SPINK13: variants seen among roughly 807,000 people sequenced by gnomAD.
SPINK13 encodes serine peptidase inhibitor Kazal type 13.
SPINK13 carries 11 observed loss-of-function variants against 11.0 expected under a neutral mutation model. The ratio of observed to expected loss-of-function variants is 1.00; its 90% confidence interval spans 0.63 to 1.65. The LOEUF is 1.65. Among genes scored for constraint, SPINK13 ranks in the 40% most tolerant of loss-of-function variants. The pLI is 0.00. For missense variants in SPINK13, 113 were observed against 117.7 expected, an observed-to-expected ratio of 0.96 and a Z score of 0.19; for synonymous variants, 31 against 35.6, an observed-to-expected ratio of 0.87 and a Z score of 0.46.
At position 148,278,146 on chromosome 5, in the gene SPINK13, T is replaced by C. The variant is rs1481286893; in HGVS notation, c.108+3762T>C. ...CCCCTTTATCATTTTTTATTGTGTC[T>C]ATTTGATTCTTCCCTCTTTTCTTCT... On this transcript the variant is annotated intron_variant, in intron 3 of 4. Transcript: ENST00000398450. 2.0e-5 allele frequency among the ~76,000 whole-genome samples: 3 copies of C among 152,200 alleles called. No homozygotes were observed. In the East Asian group the frequency reaches 5.8e-4, roughly 29 times the overall value.
intron 3 of SPINK13, among the ~76,000 whole-genome samples, chr5:148,275,791 G>A (rs1007111718): frequency 2.0e-5 from 3 of 151,984 alleles, no homozygotes; most frequent in Admixed American, 1.3e-4. Flanking sequence ...CTCCCGAGTA[G>A]CTGGGACTAC....
intron 4 of SPINK13, among the ~76,000 whole-genome samples, chr5:148,282,468 A>G (rs1208988271): frequency 6.6e-6 from 1 of 152,216 alleles, no homozygotes; most frequent in Non-Finnish European, 1.5e-5. Flanking sequence ...ATGTTCTGGG[A>G]GAACTGTACA....
intron 4 of SPINK13, among the ~76,000 whole-genome samples, chr5:148,283,190 T>A (rs543349570): frequency 2.6e-5 from 4 of 152,226 alleles, no homozygotes; most frequent in African/African-American, 9.6e-5. Context: ...AGACTTGGTG[T>A]TCAGACTCTT....
intron 3 of SPINK13, among the ~76,000 whole-genome samples, chr5:148,277,724 G>C (rs1402187569): frequency 1.3e-5 from 2 of 152,096 alleles, no homozygotes; most frequent in Non-Finnish European, 2.9e-5. Flanking sequence ...CAGGGATCTT[G>C]GTGTGAAATT....
At chr5:148,281,982 C>A in intron 3 of SPINK13, 122 bp from the exon 4 acceptor site, 2 of 1,377,972 alleles carry the variant, frequency 1.5e-6, no homozygotes, top group South Asian at 2.8e-5. Context: ...ACAGTGAATC[C>A]TTGATAAGAT....
intron 2 of SPINK13, among the ~76,000 whole-genome samples, chr5:148,272,071 G>T (rs1482104874): frequency 3.9e-5 from 6 of 152,174 alleles, no homozygotes; most frequent in Non-Finnish European, 5.9e-5. Flanking sequence ...TCACATCAAT[G>T]AATAATATCC....
chr5:148,275,854 G>C (rs1756419678), intron 3 of SPINK13, among the ~76,000 whole-genome samples: 1 of 151,808 alleles, frequency 6.6e-6, no homozygotes, highest in Admixed American at 6.6e-5. Flanking sequence ...GTAGAGACGG[G>C]GTTTCACCAT....
At chr5:148,274,983 T>G (rs781617614) in intron 3 of SPINK13, among the ~76,000 whole-genome samples, 1 of 152,114 alleles carries the variant, frequency 6.6e-6, no homozygotes, top group African/African-American at 2.4e-5. Context: ...CCGTGGTAAA[T>G]CCAGGGTTTA....
chr5:148,283,804 T>G (rs758542508), intron 4 of SPINK13, among the ~76,000 whole-genome samples: 1 of 152,220 alleles, frequency 6.6e-6, no homozygotes, highest in African/African-American at 2.4e-5. Flanking sequence ...TCTGTTATAC[T>G]CTGTGGTGTT....
intron 3 of SPINK13, among the ~76,000 whole-genome samples, chr5:148,274,997 TCA>T (rs1372009348): frequency 6.6e-6 from 1 of 152,202 alleles, no homozygotes; most frequent in Non-Finnish European, 1.5e-5. Context: ...GGGTTTATTC[TCA>T]GTTTTAATAA....
intron 2 of SPINK13, among the ~76,000 whole-genome samples, chr5:148,273,439 T>C (rs944267531): frequency 2.0e-5 from 3 of 152,154 alleles, no homozygotes; most frequent in Admixed American, 1.3e-4. Flanking sequence ...TTCTTATGTA[T>C]GATGTGCAGT....
At chr5:148,273,458 G>A (rs1160994734) in intron 2 of SPINK13, among the ~76,000 whole-genome samples, 1 of 151,986 alleles carries the variant, frequency 6.6e-6, no homozygotes, top group South Asian at 2.1e-4. Context: ...GTATATACAT[G>A]TAATTTTGTT....
chr5:148,282,935 G>C (rs952876915), intron 4 of SPINK13, among the ~76,000 whole-genome samples: 4 of 152,058 alleles, frequency 2.6e-5, no homozygotes, highest in African/African-American at 9.7e-5. Flanking sequence ...CTATCTTCAG[G>C]CTTGAGGATT....
chr5:148,270,146 AGT>A lies in SPINK13; in HGVS notation c.70+5_70+6del, dbSNP rs1756329621. On this transcript the variant is annotated splice_donor_5th_base_variant and intron_variant, in intron 2 of 4. Transcript: ENST00000398450. ...TTGACACATGTGGCTTTCTCAGGTG[AGT>A]AACCTAAGAGGTTTTGGGAGATAAA... 6.2e-7 allele frequency: 1 copy of A among 1,613,712 alleles called. No homozygotes were observed. Among genetic ancestry groups the A allele is most frequent in the Non-Finnish European group, 8.5e-7 (1 of 1,179,764 alleles).
chr5:148,272,593 G>C (rs983441171), intron 2 of SPINK13, among the ~76,000 whole-genome samples: 2 of 152,014 alleles, frequency 1.3e-5, no homozygotes, highest in Admixed American at 1.3e-4. Context: ...CCTTTTCACT[G>C]ATCTATTTGT....
intron 4 of SPINK13, among the ~76,000 whole-genome samples, chr5:148,283,095 C>G (rs1304898937): frequency 6.6e-6 from 1 of 152,072 alleles, no homozygotes; most frequent in Non-Finnish European, 1.5e-5. Context: ...TGTCTTCTCC[C>G]AGTGGACTCA....
At chr5:148,282,865 T>C (rs1278637433) in intron 4 of SPINK13, among the ~76,000 whole-genome samples, 1 of 152,222 alleles carries the variant, frequency 6.6e-6, no homozygotes, top group African/African-American at 2.4e-5. Context: ...ATCAGCCCTG[T>C]GTCTTGTCAG....
At chr5:148,276,487 A>G in intron 3 of SPINK13, among the ~76,000 whole-genome samples, 1 of 152,156 alleles carries the variant, frequency 6.6e-6, no homozygotes, top group East Asian at 1.9e-4. Context: ...AATTGTAAGG[A>G]AGGGGTCCAG....
In SPINK13 at chr5:148,282,110, T is replaced by A. The variant is rs764559801; in HGVS notation, c.115T>A (p.Cys39Ser). 4.3e-5 allele frequency: 70 copies of A among 1,614,102 alleles called. No homozygotes were observed. The highest frequency in any genetic ancestry group is 5.8e-5 in the Non-Finnish European group (68 of 1,179,982). Residue 39 changes from cysteine to serine, a missense_variant, in exon 4 of 5, where the codon TGT (cysteine) becomes AGT (serine). Cys to Ser is a moderately radical substitution (Grantham distance 112). Transcript: ENST00000398450. The part of the protein sequence containing the change: ...RDFTRWPKPR[C>S]KMYIPLDPDY... ...TGGTGTCATGTATTTGCAGCCCCGATGTAAAATGTATATCCCACTGGACCC... is the reference window on the plus strand; with the variant it reads ...TGGTGTCATGTATTTGCAGCCCCGAAGTAAAATGTATATCCCACTGGACCC...
Sources: gnomAD v4.1 joint callset for allele counts (sites outside exome capture counted in the v4.1 genomes callset) on GRCh38, gnomAD v4.1.1 for gene constraint, MANE v1.5 for transcripts, NCBI Gene and HGNC (gene_info 2026-07-23, HGNC 2026-07-21) for gene names.